Variants in FRMPD4 observed in about 807,000 individuals in gnomAD.
FRMPD4 encodes FERM and PDZ domain-containing protein 4.
A neutral mutation model predicts 94.1 loss-of-function variants in FRMPD4; 22 were observed. That is an observed-to-expected ratio of 0.23 (90% CI 0.17 to 0.33). The LOEUF is 0.33. Among genes scored for constraint, FRMPD4 ranks in the 10% least tolerant of loss-of-function variants. The probability of loss-of-function intolerance (pLI) is 1.00; values close to 1 mark genes in which losing one functional copy is unlikely to be tolerated. For synonymous variants in FRMPD4, 631 were observed against 548.6 expected (o/e 1.15, Z -2.10); for missense variants, 1,111 against 1,339.9 (o/e 0.83, Z 2.67).
chrX:12,656,493 G>A (rs2059657794), intron 4 of FRMPD4, among the ~76,000 whole-genome samples: 1 of 112,176 alleles, frequency 8.9e-6, no homozygotes, highest in Non-Finnish European at 1.9e-5. Context: ...AATGAATAGT[G>A]GTTCAGCTAC....
chrX:11,995,977 A>AT (rs766980985), intron 3 of FRMPD4, among the ~76,000 whole-genome samples: 1 of 111,857 alleles, frequency 8.9e-6, no homozygotes, highest in Non-Finnish European at 1.9e-5. Flanking sequence ...CATCAAGGCC[A>AT]TTTTTTTCAG....
intron 3 of FRMPD4, among the ~76,000 whole-genome samples, chrX:12,076,326 A>G (rs1389886983): frequency 1.1e-5 from 1 of 91,312 alleles, no homozygotes; most frequent in Non-Finnish European, 2.1e-5. Context: ...CCCTAGCAAA[A>G]CGTGTGTGTG....
At chrX:12,562,260 A>G (rs908660900) in intron 2 of FRMPD4, among the ~76,000 whole-genome samples, 12 of 112,688 alleles carry the variant, frequency 1.1e-4, no homozygotes, top group African/African-American at 3.5e-4. Flanking sequence ...CTTTTTTCTT[A>G]AAGTTCTATG....
Position 11,911,827 on chromosome X carries a change from A to G in FRMPD4, c.95+33809A>G, listed in dbSNP as rs191417442. Among the ~76,000 whole-genome samples, 28 of 112,270 alleles carry G rather than the reference A, an allele frequency of 2.5e-4. No individual in the cohort carries two copies. In the East Asian group the frequency reaches 7.0e-3, roughly 28 times the overall value. ...CAAGTAATTGCTGTTGAGCCAGAAG[A>G]TATTTCAGCAATCAGAGGAAATAAC... is the stretch of plus-strand genomic sequence containing the variant. On this transcript the variant is annotated intron_variant, in intron 3 of 18. Coordinates refer to the FRMPD4 transcript ENST00000640291.
At chrX:12,193,592 A>G (rs1012106025) in intron 1 of FRMPD4, among the ~76,000 whole-genome samples, 3 of 105,243 alleles carry the variant, frequency 2.9e-5, no homozygotes, top group Non-Finnish European at 5.8e-5. Flanking sequence ...CTTCTTCTGC[A>G]TAAGTTGGCA....
At chrX:12,293,894 C>T (rs2054729445) in intron 1 of FRMPD4, among the ~76,000 whole-genome samples, 1 of 111,980 alleles carries the variant, frequency 8.9e-6, no homozygotes, top group South Asian at 3.7e-4. Flanking sequence ...TAGCGTAGCC[C>T]TTAAAGCAAT....
chrX:12,717,201 C>A, intron 15 of FRMPD4, 68 bp downstream of exon 15: 1 of 697,858 alleles, frequency 1.4e-6, no homozygotes, highest in Non-Finnish European at 2.1e-6. Flanking sequence ...GCCATTTGCC[C>A]CTGGAGTCCT....
chrX:12,009,773 C>T (rs970051430), intron 3 of FRMPD4, among the ~76,000 whole-genome samples: 4 of 112,031 alleles, frequency 3.6e-5, no homozygotes, highest in Non-Finnish European at 7.5e-5. Flanking sequence ...GTGTAACCAG[C>T]ACAGGAAACG....
intron 1 of FRMPD4, among the ~76,000 whole-genome samples, chrX:12,197,555 A>G (rs2056581294): frequency 9.0e-6 from 1 of 111,622 alleles, no homozygotes; most frequent in African/African-American, 3.2e-5. Context: ...TTGAACGTGG[A>G]TGATGGCACT....
At chrX:12,332,074 ATTATATATAAT>A (rs1396371715) in intron 1 of FRMPD4, among the ~76,000 whole-genome samples, 1 of 58,134 alleles carries the variant, frequency 1.7e-5, no homozygotes, top group East Asian at 4.5e-4. Context: ...TATAATTTAT[ATTATATATAAT>A]TTATATTATA....
chrX:12,350,894 G>A (rs1341792984), intron 1 of FRMPD4, among the ~76,000 whole-genome samples: 1 of 112,535 alleles, frequency 8.9e-6, no homozygotes, highest in Non-Finnish European at 1.9e-5. Flanking sequence ...TGTGATTATT[G>A]GCCGGGCACA....
Position 12,197,842 on chromosome X carries a change from T to C in FRMPD4, c.41+58830T>C, listed in dbSNP as rs898538046. 2.8e-4 allele frequency among the ~76,000 whole-genome samples: 31 copies of C among 112,367 alleles called. 1 individual carries two copies. The highest frequency in any genetic ancestry group is 9.7e-4 in the African/African-American group (30 of 30,949). On this transcript the variant is annotated intron_variant, in intron 1 of 16. Transcript: ENST00000675598. ...CATTTAAATGGTATTTCTGTATTTC[T>C]TTTAAAGCCCTTCAGTTATCTGACA...
rs751135461 is a variant in FRMPD4 at position 12,609,892 on chromosome X, A to G, written c.319+11A>G. On this transcript the variant is annotated intron_variant, in intron 3 of 16. Transcript: ENST00000675598. ...GCTCAGTAACACCAGGTAAGCACCC[A>G]ATCCCAGTTCTTGGTTTCCTGGGAA... is the stretch of plus-strand genomic sequence containing the variant. 1.7e-6 allele frequency: 2 copies of G among 1,199,881 alleles called. No homozygotes were observed. Among genetic ancestry groups the G allele is most frequent in the Admixed American group, 4.4e-5 (2 of 45,932 alleles).
intron 3 of FRMPD4, among the ~76,000 whole-genome samples, chrX:12,126,843 C>T (rs997355913): frequency 7.2e-5 from 8 of 111,817 alleles, no homozygotes; most frequent in East Asian, 5.6e-4. Context: ...CATTCTCTCA[C>T]GTGGGCTGAC....
chrX:12,313,099 T>G (rs2055061115), intron 1 of FRMPD4, among the ~76,000 whole-genome samples: 1 of 111,639 alleles, frequency 9.0e-6, no homozygotes, highest in Non-Finnish European at 1.9e-5. Context: ...GACAAAAAAG[T>G]GACTGAGAAG....
Position 12,716,479 on chromosome X carries a change from C to T in FRMPD4, c.2020C>T (p.Leu674=), listed in dbSNP as rs765855188. 2.5e-6 allele frequency: 3 copies of T among 1,208,053 alleles called. No homozygotes were observed. In the African/African-American group the frequency reaches 5.3e-5, roughly 21 times the overall value. Residue 674 remains leucine (L), a synonymous_variant, in exon 15 of 17, where the codon CTA becomes TTA. Coordinates refer to ENST00000675598, the MANE Select transcript of FRMPD4 (RefSeq NM_001368397.1). ...ISPPTLGYET[L]LDEGPEMLEK... ...TCCCCCAACCCTTGGCTATGAAACG[C>T]TACTAGATGAGGGTCCTGAAATGCT...
At chrX:12,070,429 C>T (rs1280633998) in intron 3 of FRMPD4, among the ~76,000 whole-genome samples, 2 of 111,865 alleles carry the variant, frequency 1.8e-5, no homozygotes, top group East Asian at 2.8e-4. Context: ...TTTTTAAAGT[C>T]TGGGCTTTCA....
chrX:12,490,657 T>C (rs2057784048), intron 1 of FRMPD4, among the ~76,000 whole-genome samples: 2 of 111,685 alleles, frequency 1.8e-5, no homozygotes, highest in Non-Finnish European at 3.8e-5. Context: ...AGGAGAAAGC[T>C]GATGTTTGGA....
intron 3 of FRMPD4, among the ~76,000 whole-genome samples, chrX:12,002,669 T>A (rs1024176461): frequency 1.8e-5 from 2 of 111,978 alleles, no homozygotes; most frequent in African/African-American, 6.5e-5. Context: ...GTTGAATGCA[T>A]GAAGAAACCC....
Sources: allele counts gnomAD v4.1 joint callset (sites outside exome capture counted in the v4.1 genomes callset), GRCh38; gene constraint gnomAD v4.1.1; transcripts MANE v1.5; gene names NCBI Gene and HGNC (gene_info 2026-07-23, HGNC 2026-07-21).